RHOF: variants seen among roughly 807,000 people sequenced by gnomAD.
The protein encoded by RHOF is ras homolog family member F, filopodia associated, also known as rho-related GTP-binding protein RhoF.
RHOF carries 21 observed loss-of-function variants against 22.2 expected under a neutral mutation model. That is an observed-to-expected ratio of 0.95 (90% CI 0.67 to 1.36). The LOEUF (loss-of-function observed/expected upper bound fraction) is 1.36, where lower values mean the gene tolerates loss of function less well. Among genes scored for constraint, RHOF ranks in the 40% most tolerant of loss-of-function variants. The pLI, the probability that RHOF is intolerant of heterozygous loss-of-function variation, is 0.00. For missense variants in RHOF, 285 were observed against 293.7 expected (o/e 0.97, Z 0.22); for synonymous variants, 135 against 131.2 (o/e 1.03, Z -0.20).
Position 121,793,003 on chromosome 12 carries a change from C to G in RHOF, c.226+149G>C, listed in dbSNP as rs1874802114. On this transcript the variant is annotated intron_variant, in intron 2 of 4. Transcript: ENST00000267205. ...GGGCTTGGCCTCTAGGGCCCCGCAG[C>G]CAGCGCCCCTGAGCGGCCTCCAGGA... 5 of 672,206 alleles carry G rather than the reference C, an allele frequency of 7.4e-6. No homozygotes were observed. In the East Asian group the frequency reaches 1.4e-4, roughly 18 times the overall value. The allele number at this position is 672,206 out of a possible 1,614,324, so 41.6% of individuals were successfully genotyped here.
intron 2 of RHOF, among the ~76,000 whole-genome samples, chr12:121,783,834 C>T (rs1002204953): frequency 6.6e-6 from 1 of 152,112 alleles, no homozygotes; most frequent in Admixed American, 6.5e-5. Flanking sequence ...GAACTCCTGA[C>T]CTCAGGTCAT....
intron 2 of RHOF, among the ~76,000 whole-genome samples, chr12:121,791,731 A>T (rs1033643746): frequency 6.6e-6 from 1 of 152,206 alleles, no homozygotes. Context: ...GGCTGCCCTG[A>T]ACAGTGAACC....
chr12:121,785,402 C>T (rs1874579691), intron 2 of RHOF, among the ~76,000 whole-genome samples: 1 of 150,130 alleles, frequency 6.7e-6, no homozygotes, highest in African/African-American at 2.5e-5. Flanking sequence ...GACGTCTTCT[C>T]TCATTTCTTT....
At position 121,779,608 on chromosome 12, in the gene RHOF, T is replaced by C. The variant is rs748163752; in HGVS notation, c.526A>G (p.Lys176Glu). The C allele has an allele frequency of 1.9e-6, 3 of 1,614,210 alleles. No individual in the cohort carries two copies. The highest frequency in any genetic ancestry group is 2.5e-6 in the Non-Finnish European group (3 of 1,180,030). The stretch of plus-strand genomic sequence containing the variant: ...ACGTCCTCCACATTCTCCCGAAACT[T>C]GGCGGAACATTCCAGGTAGAGAGCA... ...RAALYLECSA[K>E]FRENVEDVFR... Residue 176 changes from lysine to glutamate, a missense_variant, in exon 5 of 5, where the codon AAG (lysine) becomes GAG (glutamate). Physicochemically the swap from Lys to Glu is moderately conservative, Grantham distance 56. Transcript: ENST00000267205.
intron 4 of RHOF, chr12:121,779,982 GCCT>G (rs1874389281): frequency 3.5e-6 from 1 of 286,786 alleles, no homozygotes; most frequent in African/African-American, 2.1e-5. Flanking sequence ...AGAGTTGGAG[GCCT>G]CAAGACAGAA....
intron 2 of RHOF, among the ~76,000 whole-genome samples, chr12:121,791,732 A>T (rs1874769616): frequency 6.6e-6 from 1 of 152,214 alleles, no homozygotes. Flanking sequence ...GCTGCCCTGA[A>T]CAGTGAACCC....
At chr12:121,779,910 G>A (rs775230567) in intron 4 of RHOF, 48 of 488,612 alleles carry the variant, frequency 9.8e-5, no homozygotes, top group Middle Eastern at 9.6e-4. Flanking sequence ...GCTCCGGGCA[G>A]GGAGGGGCTG....
chr12:121,779,955 C>G (rs201098881), intron 4 of RHOF: 1 of 280,738 alleles, frequency 3.6e-6, no homozygotes, highest in Non-Finnish European at 6.7e-6. Context: ...CCCCAGGTGT[C>G]TCCCAGGCCT....
At chr12:121,792,456 C>T (rs1052849977) in intron 2 of RHOF, among the ~76,000 whole-genome samples, 8 of 152,272 alleles carry the variant, frequency 5.3e-5, no homozygotes, top group African/African-American at 1.7e-4. Flanking sequence ...CCGTGGGGGC[C>T]TGCAGGTGGC....
chr12:121,789,549 G>A (rs1378944421), intron 2 of RHOF, among the ~76,000 whole-genome samples: 4 of 152,210 alleles, frequency 2.6e-5, no homozygotes, highest in South Asian at 2.1e-4. Context: ...CAGCTGCGGC[G>A]TTGGTCAGGG....
intron 2 of RHOF, among the ~76,000 whole-genome samples, chr12:121,783,426 A>G (rs1011990260): frequency 1.6e-4 from 25 of 151,578 alleles, no homozygotes; most frequent in Admixed American, 6.6e-4. Flanking sequence ...GGTTCAAGCA[A>G]TTCTCCTGCC....
rs200279162 is a variant in RHOF at position 121,779,491 on chromosome 12, C to T, written c.*7G>A. On this transcript the variant is annotated 3_prime_UTR_variant, in exon 5 of 5. Coordinates refer to ENST00000267205, the MANE Select transcript of RHOF (RefSeq NM_019034.3). ...TCAGTGCTGTCGTGAGGTCTGTCTGCCCTGGGTCAGAGCAGCAGGCAGAGC... is the reference window on the plus strand; with the variant it reads ...TCAGTGCTGTCGTGAGGTCTGTCTGTCCTGGGTCAGAGCAGCAGGCAGAGC... The T allele has an allele frequency of 1.9e-6, 3 of 1,610,662 alleles. No individual in the cohort carries two copies. Among genetic ancestry groups the T allele is most frequent in the South Asian group, 1.1e-5 (1 of 91,076 alleles).
chr12:121,793,379 GCC>G (rs1874816449), intron 1 of RHOF, 115 bp downstream of exon 1: 3 of 1,447,660 alleles, frequency 2.1e-6, no homozygotes, highest in Non-Finnish European at 2.8e-6. Flanking sequence ...CCGAGGGGGC[GCC>G]CCGGGGTGGC....
chr12:121,779,061 G>T lies in RHOF; in HGVS notation c.*437C>A. 5.9e-6 allele frequency: 1 copy of T among 169,112 alleles called. No individual in the cohort carries two copies. Among genetic ancestry groups the T allele is most frequent in the Non-Finnish European group, 1.3e-5 (1 of 77,218 alleles). The allele number at this position is 169,112 out of a possible 1,614,324, so 10.5% of individuals were successfully genotyped here. On this transcript the variant is annotated 3_prime_UTR_variant, in exon 5 of 5. Transcript: ENST00000267205. ...TGGGGGAAGGAAGGAAGGAGCTGGA[G>T]GATACAGTGGTGCCTATCTCGGGAG... is the stretch of plus-strand genomic sequence containing the variant.
At chr12:121,790,224 G>T (rs1184763608) in intron 2 of RHOF, among the ~76,000 whole-genome samples, 1 of 152,258 alleles carries the variant, frequency 6.6e-6, no homozygotes, top group Non-Finnish European at 1.5e-5. Flanking sequence ...TTTGGTCCTG[G>T]GTGTGGAGAA....
chr12:121,783,323 C>G (rs891268970), intron 2 of RHOF, among the ~76,000 whole-genome samples: 3 of 148,930 alleles, frequency 2.0e-5, no homozygotes, highest in South Asian at 4.3e-4. Flanking sequence ...ATTGCCCCCC[C>G]CCCCACCTTT....
chr12:121,781,085 T>G lies in RHOF; in HGVS notation c.334A>C (p.Lys112Gln), dbSNP rs1874437553. Reference protein sequence around the residue: ...NPTSYDNVLIKWFPEVTHFCR... With the variant: ...NPTSYDNVLIQWFPEVTHFCR... ...ACCACCCAGGAGGCCGGCCTCACCT[T>G]GATGAGGACGTTGTCGTAGCTGGTG... is the stretch of plus-strand genomic sequence containing the variant. The change falls in exon 3 of 5, where the codon AAG (lysine) becomes CAG (glutamine). Residue 112 changes from lysine (K) to glutamine (Q), a missense_variant and splice_region_variant. Transcript: ENST00000267205. 1.2e-6 allele frequency: 2 copies of G among 1,613,994 alleles called. No homozygotes were observed. Among genetic ancestry groups the G allele is most frequent in the Non-Finnish European group, 1.7e-6 (2 of 1,179,960 alleles).
chr12:121,787,836 A>G (rs993911269), intron 2 of RHOF, among the ~76,000 whole-genome samples: 34 of 144,466 alleles, frequency 2.4e-4, no homozygotes, highest in Middle Eastern at 3.7e-3. Context: ...GGGGAGGTGG[A>G]GCAGAGATTG....
At chr12:121,789,903 C>T (rs1042288143) in intron 2 of RHOF, among the ~76,000 whole-genome samples, 1 of 152,264 alleles carries the variant, frequency 6.6e-6, no homozygotes, top group African/African-American at 2.4e-5. Flanking sequence ...GACCCCACAC[C>T]TTGGCCCTGA....
Sources: allele counts gnomAD v4.1 joint callset (sites outside exome capture counted in the v4.1 genomes callset), GRCh38; gene constraint gnomAD v4.1.1; transcripts MANE v1.5; gene names NCBI Gene and HGNC (gene_info 2026-07-23, HGNC 2026-07-21).